The following NECTIN3 variants were observed in gnomAD, a reference collection of about 807,000 sequenced individuals.
NECTIN3 encodes nectin cell adhesion molecule 3, also known as nectin-3.
NECTIN3 carries 8 observed loss-of-function variants against 49.4 expected under a neutral mutation model. The ratio of observed to expected loss-of-function variants is 0.16; its 90% CI spans 0.10 to 0.29. NECTIN3 has a LOEUF of 0.29. NECTIN3 is among the 10% of genes least tolerant of loss of function. NECTIN3 has a pLI of 1.00. For synonymous variants in NECTIN3, 277 were observed against 241.1 expected, an observed-to-expected ratio of 1.15 and a Z score of -1.38; for missense variants, 581 against 654.6, an observed-to-expected ratio of 0.89 and a Z score of 1.23.
chr3:111,175,727 G>C (rs142566686), intron 7 of NECTIN3, among the ~76,000 whole-genome samples: 1 of 152,156 alleles, frequency 6.6e-6, no homozygotes, highest in African/African-American at 2.4e-5. Flanking sequence ...CTAACTTCCT[G>C]GGACCGAGGG....
intron 3 of NECTIN3, among the ~76,000 whole-genome samples, chr3:111,120,274 G>T (rs1401675621): frequency 6.6e-6 from 1 of 151,646 alleles, no homozygotes; most frequent in South Asian, 2.1e-4. Context: ...TGAAATCTTA[G>T]ATATATTTCT....
chr3:111,175,467 T>C (rs576479212), intron 7 of NECTIN3, among the ~76,000 whole-genome samples: 2 of 152,018 alleles, frequency 1.3e-5, no homozygotes, highest in Non-Finnish European at 1.5e-5. Context: ...TCAAATTGCC[T>C]CGCTTTGTTG....
chr3:111,161,915 C>T (rs1272119817), intron 7 of NECTIN3, among the ~76,000 whole-genome samples: 2 of 152,088 alleles, frequency 1.3e-5, no homozygotes, highest in Non-Finnish European at 2.9e-5. Context: ...TGTAGTCCAC[C>T]TTTGGGCCTG....
chr3:111,100,995 TGAGG>T (rs1374120933), intron 1 of NECTIN3, among the ~76,000 whole-genome samples: 1 of 152,130 alleles, frequency 6.6e-6, no homozygotes, highest in African/African-American at 2.4e-5. Context: ...GTGCTCAACA[TGAGG>T]GAGTTGGGAA....
intron 1 of NECTIN3, among the ~76,000 whole-genome samples, chr3:111,083,470 T>A (rs1559766262): frequency 6.6e-6 from 1 of 152,146 alleles, no homozygotes; most frequent in Non-Finnish European, 1.5e-5. Flanking sequence ...TAGAGCTGTT[T>A]CTCTCCATCA....
chr3:111,167,766 G>A (rs2035348446), intron 7 of NECTIN3, among the ~76,000 whole-genome samples: 1 of 152,118 alleles, frequency 6.6e-6, no homozygotes, highest in African/African-American at 2.4e-5. Context: ...ATCTGCTCCA[G>A]GGTGAGCAGA....
chr3:111,138,031 GT>G (rs1374067194), downstream of NECTIN3, among the ~76,000 whole-genome samples: 1 of 151,412 alleles, frequency 6.6e-6, no homozygotes, highest in African/African-American at 2.4e-5. Flanking sequence ...CATTTTATAT[GT>G]TTTTGCTATT....
chr3:111,128,033 T>C (rs1260962928), intron 5 of NECTIN3, among the ~76,000 whole-genome samples: 1 of 152,134 alleles, frequency 6.6e-6, no homozygotes, highest in African/African-American at 2.4e-5. Context: ...TATGTCTATG[T>C]AATCATTTAA....
rs150415879 is a variant in NECTIN3, at chr3:111,103,632, C to A, written c.161-8398C>A. Among the ~76,000 whole-genome samples, 459 of 151,734 alleles carry A rather than the reference C, an allele frequency of 3.0e-3. 3 individuals are homozygous for A. The highest frequency in any genetic ancestry group is 0.01 in the African/African-American group (423 of 41,396). The stretch of plus-strand genomic sequence containing the variant: ...TAAAACTTCCTTTCTAATCAGTATA[C>A]ATTTATTGCCTTTTCTGGTCTTATT... On this transcript the variant is annotated intron_variant, in intron 1 of 5. Transcript: ENST00000485303.
At chr3:111,076,531 A>C (rs562958883) in intron 1 of NECTIN3, among the ~76,000 whole-genome samples, 1 of 152,212 alleles carries the variant, frequency 6.6e-6, no homozygotes, top group African/African-American at 2.4e-5. Context: ...GAGCACCATT[A>C]ATCTGTCATA....
intron 1 of NECTIN3, among the ~76,000 whole-genome samples, chr3:111,100,832 ACT>A (rs575445487): frequency 2.4e-3 from 362 of 151,284 alleles, no homozygotes; most frequent in African/African-American, 8.4e-3. Flanking sequence ...TGTTATGAAA[ACT>A]CTGTCTCTGC....
chr3:111,171,363 G>C (rs59248935), intron 7 of NECTIN3, among the ~76,000 whole-genome samples: 10,887 of 152,180 alleles, frequency 0.072, 900 homozygotes, highest in East Asian at 0.23. Flanking sequence ...CCTCAACTCT[G>C]TTTCCTCATG....
At chr3:111,075,983 C>G (rs1245979062) in intron 1 of NECTIN3, among the ~76,000 whole-genome samples, 2 of 152,038 alleles carry the variant, frequency 1.3e-5, no homozygotes, top group African/African-American at 4.8e-5. Context: ...GCATCCTAAA[C>G]AGATATTTTT....
intron 7 of NECTIN3, among the ~76,000 whole-genome samples, chr3:111,174,045 G>T (rs1478196744): frequency 6.6e-6 from 1 of 152,002 alleles, no homozygotes; most frequent in African/African-American, 2.4e-5. Flanking sequence ...GGCTCTGTAG[G>T]CTTGGGACTC....
chr3:111,132,832 G>C (rs2034442217), intron 5 of NECTIN3, among the ~76,000 whole-genome samples: 1 of 151,846 alleles, frequency 6.6e-6, no homozygotes, highest in Non-Finnish European at 1.5e-5. Context: ...TGAATGTTTA[G>C]ATAACTTGCC....
chr3:111,085,933 A>C (rs2031896914), intron 1 of NECTIN3, among the ~76,000 whole-genome samples: 1 of 152,148 alleles, frequency 6.6e-6, no homozygotes, highest in Non-Finnish European at 1.5e-5. Context: ...TCCCACCAAT[A>C]ATGTTTGAGA....
chr3:111,103,453 CT>C (rs78643326), intron 1 of NECTIN3, among the ~76,000 whole-genome samples: 11,054 of 138,458 alleles, frequency 0.08, 851 homozygotes, highest in East Asian at 0.46. Context: ...AAGTGATTGA[CT>C]TTTTTTTTTT....
At chr3:111,192,233 C>A, upstream of NECTIN3, 1 of 862,726 alleles carries the variant, frequency 1.2e-6, no homozygotes, top group Non-Finnish European at 1.8e-6. Flanking sequence ...GAACATTTTG[C>A]TTAGTTGGTA....
At position 111,072,105 on chromosome 3, in the gene NECTIN3, C is replaced by T. The variant is rs2030787682; in HGVS notation, c.88C>T (p.Leu30=). The part of the protein sequence containing the change: ...SSASLLGAGL[L]LQPPTPPPLL... ...CGCTTCTCTCCTCGGAGCCGGGCTCCTGCTGCAGCCCCCGACGCCACCTCC... is the reference window on the plus strand; with the variant it reads ...CGCTTCTCTCCTCGGAGCCGGGCTCTTGCTGCAGCCCCCGACGCCACCTCC... Residue 30 remains leucine (L), a synonymous_variant, in exon 1 of 6, where the codon CTG becomes TTG. Transcript: ENST00000485303. 1 of 1,549,626 alleles carries T rather than the reference C, an allele frequency of 6.5e-7. No homozygotes were observed. Among genetic ancestry groups the T allele is most frequent in the Non-Finnish European group, 8.7e-7 (1 of 1,146,214 alleles).
Sources: allele counts gnomAD v4.1 joint callset (sites outside exome capture counted in the v4.1 genomes callset), GRCh38; gene constraint gnomAD v4.1.1; transcripts MANE v1.5; gene names NCBI Gene and HGNC (gene_info 2026-07-23, HGNC 2026-07-21).